The following SF3A1 variants were observed in gnomAD, a reference collection of about 807,000 sequenced individuals.
SF3A1 encodes SAP 114.
In SF3A1, 13 loss-of-function variants were observed where a neutral mutation model predicts 89.9. The ratio of observed to expected loss-of-function variants is 0.14; its 90% CI spans 0.09 to 0.23. The LOEUF is 0.23. Among genes scored for constraint, SF3A1 ranks in the 10% least tolerant of loss-of-function variants. The pLI, the probability that SF3A1 is intolerant of heterozygous loss-of-function variation, is 1.00. For synonymous variants in SF3A1, 405 were observed against 374.4 expected (o/e 1.08, Z -0.94); for missense variants, 604 against 1,022.1 (o/e 0.59, Z 5.58).
In SF3A1 at chr22:30,342,265, T is replaced by C. The variant is rs372226997; in HGVS notation, c.812A>G (p.Tyr271Cys). Residue 271 changes from tyrosine to cysteine, a missense_variant, in exon 6 of 16, where the codon TAT (tyrosine) becomes TGT (cysteine). Tyr to Cys is a radical substitution (Grantham distance 194). This residue lies in a region of SF3A1 where 6 missense variants were observed against 36.3 expected (regional missense o/e 0.17). Transcript: ENST00000215793. ...EEEKEKERVA[Y>C]AQIDWHDFVV... is the part of the protein sequence containing the mutation. ...AAAATCATGCCAGTCGATCTGAGCA[T>C]AGGCCACCCGCTCCTTCTCCTTCTC... 1 of 1,614,072 alleles carries C rather than the reference T, an allele frequency of 6.2e-7. No homozygotes were observed. Among genetic ancestry groups the C allele is most frequent in the African/African-American group, 1.3e-5 (1 of 74,924 alleles).
chr22:30,345,905 G>A (rs184277820), intron 3 of SF3A1, among the ~76,000 whole-genome samples: 3 of 152,262 alleles, frequency 2.0e-5, no homozygotes, highest in African/African-American at 7.2e-5. Flanking sequence ...GAGATAGAAG[G>A]GAAGGGATGG....
chr22:30,340,473 C>A (rs959030365), intron 8 of SF3A1, 92 bp from the exon 9 acceptor site: 1 of 1,318,902 alleles, frequency 7.6e-7, no homozygotes, highest in East Asian at 2.3e-5. Context: ...TTCATCAAGG[C>A]ATCTATTCAG....
chr22:30,333,722 ATTAT>A lies in SF3A1; in HGVS notation c.*868_*871del, dbSNP rs1488302842. The A allele has an allele frequency of 1.3e-5, 2 of 152,256 alleles. No homozygotes were observed. Among genetic ancestry groups the A allele is most frequent in the Admixed American group, 1.3e-4 (2 of 15,284 alleles). The allele number at this position is 152,256 out of a possible 1,614,324, so 9.4% of individuals were successfully genotyped here. A position where few individuals can be genotyped will look rare whatever the true frequency, so the allele number is the denominator to read the frequency against. On this transcript the variant is annotated 3_prime_UTR_variant, in exon 16 of 16. Coordinates refer to ENST00000215793, the MANE Select transcript of SF3A1 (RefSeq NM_005877.6). ...TAAAATGGATAAAAGTAGAGAGTAA[ATTAT>A]TTAAACTTTATCAAATCCTTGGTAC...
chr22:30,346,362 T>C lies in SF3A1; in HGVS notation c.343A>G (p.Lys115Glu). 1 of 1,613,956 alleles carries C rather than the reference T, an allele frequency of 6.2e-7. No individual in the cohort carries two copies. Among genetic ancestry groups the C allele is most frequent in the Non-Finnish European group, 8.5e-7 (1 of 1,179,916 alleles). ...KAQEPSAAIP[K>E]VMQQQQQTTQ... The stretch of plus-strand genomic sequence containing the variant: ...GTCTGCTGCTGCTGCTGCATGACCT[T>C]GGGGATGGCGGCGGACGGCTCCTGA... Residue 115 changes from lysine to glutamate, a missense_variant, in exon 3 of 16, where the codon AAG (lysine) becomes GAG (glutamate). Around this residue, in one of 9 missense-constraint regions of SF3A1, gnomAD observed 162 missense variants for 229.2 expected, o/e 0.71. Coordinates refer to ENST00000215793, the MANE Select transcript of SF3A1 (RefSeq NM_005877.6).
At position 30,356,812 on chromosome 22, in the gene SF3A1, G is replaced by A; in HGVS notation, c.-20C>T. Reference sequence around the variant, plus strand: ...CGGCATGACTGCGACGCTCAGGGCTGCCAGTCCGCCTCGGTGTCGGTGAGC... The same window carrying A: ...CGGCATGACTGCGACGCTCAGGGCTACCAGTCCGCCTCGGTGTCGGTGAGC... On this transcript the variant is annotated 5_prime_UTR_variant, in exon 1 of 16. Transcript: ENST00000215793. The A allele has an allele frequency of 2.2e-6, 3 of 1,344,094 alleles. No homozygotes were observed. The highest frequency in any genetic ancestry group is 3.1e-5 in the East Asian group (1 of 32,726). 83.3% of individuals were successfully genotyped at this position (1,344,094 alleles called of 1,614,324 possible).
chr22:30,335,595 T>C, intron 14 of SF3A1, 57 bp from the exon 15 acceptor site: 1 of 1,612,554 alleles, frequency 6.2e-7, no homozygotes, highest in Non-Finnish European at 8.5e-7. Context: ...AGAGGAAGCT[T>C]TCCCCTGAAT....
At chr22:30,343,245 T>C (rs535598836) in intron 4 of SF3A1, among the ~76,000 whole-genome samples, 1 of 152,266 alleles carries the variant, frequency 6.6e-6, no homozygotes, top group Non-Finnish European at 1.5e-5. Context: ...AGGTCCCCCC[T>C]GACTATCCTA....
intron 1 of SF3A1, among the ~76,000 whole-genome samples, chr22:30,355,494 T>G (rs1931762673): frequency 6.6e-6 from 1 of 152,198 alleles, no homozygotes. Flanking sequence ...CCCCTCATAG[T>G]GATTCTCCAC....
intron 12 of SF3A1, among the ~76,000 whole-genome samples, 200 bp from the exon 13 acceptor site, chr22:30,337,380 G>A (rs1373365912): frequency 2.6e-5 from 4 of 152,170 alleles, no homozygotes; most frequent in Non-Finnish European, 4.4e-5. Flanking sequence ...GCAGAGGACT[G>A]CAGGAGGGGC....
At position 30,332,522 on chromosome 22, in the gene SF3A1, G is replaced by C. The variant is rs1300384578; in HGVS notation, c.*2072C>G. On this transcript the variant is annotated 3_prime_UTR_variant, in exon 16 of 16. Coordinates refer to ENST00000215793, the MANE Select transcript of SF3A1 (RefSeq NM_005877.6). ...TACATGACCTTGGGTATTCCACCTC[G>C]TTTTAAAAATGGGGCAGATAATCCT... is the stretch of plus-strand genomic sequence containing the variant. 1 of 152,210 alleles carries C rather than the reference G, an allele frequency of 6.6e-6. No individual in the cohort carries two copies. Among genetic ancestry groups the C allele is most frequent in the Non-Finnish European group, 1.5e-5 (1 of 68,032 alleles). The allele number at this position is 152,210 out of a possible 1,614,324, so 9.4% of individuals were successfully genotyped here.
intron 2 of SF3A1, among the ~76,000 whole-genome samples, chr22:30,352,079 G>A (rs1931614462): frequency 6.6e-6 from 1 of 150,810 alleles, no homozygotes; most frequent in Non-Finnish European, 1.5e-5. Context: ...AGAGACAGGA[G>A]GAACCCGGAG....
At position 30,345,197 on chromosome 22, in the gene SF3A1, T is replaced by C. The variant is rs1395180488; in HGVS notation, c.394-7A>G. ...GGATTACTTGGGCTTGGACCTAAGA[T>C]GCAAAGGGAGTATGAGGCGAGAGGC... On this transcript the variant is annotated splice_polypyrimidine_tract_variant and splice_region_variant and intron_variant, in intron 3 of 15. Transcript: ENST00000215793. 6.8e-6 allele frequency: 11 copies of C among 1,610,408 alleles called. No individual in the cohort carries two copies. The highest frequency in any genetic ancestry group is 9.3e-6 in the Non-Finnish European group (11 of 1,177,440).
Position 30,338,916 on chromosome 22 carries a change from T to A in SF3A1, c.1616A>T (p.Asp539Val), listed in dbSNP as rs764030591. 1.2e-6 allele frequency: 2 copies of A among 1,614,148 alleles called. No individual in the cohort carries two copies. Among genetic ancestry groups the A allele is most frequent in the Non-Finnish European group, 8.5e-7 (1 of 1,180,036 alleles). ...IHKAKGLVPE[D>V]DTKEKIGPSK... Reference sequence around the variant, plus strand: ...GGGGCCAATCTTCTCTTTAGTGTCATCCTCTGGCACCAGGCCTTTGGCCTT... The same window carrying A: ...GGGGCCAATCTTCTCTTTAGTGTCAACCTCTGGCACCAGGCCTTTGGCCTT... The change falls in exon 11 of 16, where the codon GAT (aspartate) becomes GTT (valine). Residue 539 changes from aspartate to valine, a missense_variant. By Grantham distance (152) the Asp-to-Val change is radical (BLOSUM62 -3). This residue lies in a region of SF3A1 where 22 missense variants were observed against 116.0 expected (regional missense o/e 0.19). Transcript: ENST00000215793.
intron 1 of SF3A1, among the ~76,000 whole-genome samples, chr22:30,356,038 G>A (rs1209962286): frequency 6.6e-6 from 1 of 152,072 alleles, no homozygotes; most frequent in Non-Finnish European, 1.5e-5. Flanking sequence ...ATTTGTACCT[G>A]AAACTTCTAT....
intron 12 of SF3A1, 48 bp from the exon 13 acceptor site, chr22:30,337,228 A>C (rs1230537609): frequency 6.5e-7 from 1 of 1,539,740 alleles, no homozygotes; most frequent in African/African-American, 1.4e-5. Flanking sequence ...GAAGGGGCCC[A>C]GGACTCAGGG....
In SF3A1 at chr22:30,356,837, C is replaced by G. The variant is rs1292579760; in HGVS notation, c.-45G>C. ...GCCAGTCCGCCTCGGTGTCGGTGAGCGGTGCCGCCTCAAGACAGCCTCCCC... is the reference window on the plus strand; with the variant it reads ...GCCAGTCCGCCTCGGTGTCGGTGAGGGGTGCCGCCTCAAGACAGCCTCCCC... On this transcript the variant is annotated 5_prime_UTR_variant, in exon 1 of 16. Coordinates refer to ENST00000215793, the MANE Select transcript of SF3A1 (RefSeq NM_005877.6). 7.7e-7 allele frequency: 1 copy of G among 1,302,438 alleles called. No homozygotes were observed. The highest frequency in any genetic ancestry group is 2.1e-5 in the South Asian group (1 of 48,186). 80.7% of individuals were successfully genotyped at this position (1,302,438 alleles called of 1,614,324 possible). A position where few individuals can be genotyped will look rare whatever the true frequency, so the allele number is the denominator to read the frequency against.
In SF3A1 at chr22:30,346,470, G is replaced by C; in HGVS notation, c.235C>G (p.Pro79Ala). Residue 79 changes from proline to alanine, a missense_variant, in exon 3 of 16, where the codon CCC (proline) becomes GCC (alanine). By Grantham distance (27) the Pro-to-Ala change is conservative. Transcript: ENST00000215793. Reference sequence around the variant, plus strand: ...TTGGGGTTCAGAAAGTTGAACTTGGGGTTGTTGATCTCGTTCTGTCGGATC... The same window carrying C: ...TTGGGGTTCAGAAAGTTGAACTTGGCGTTGTTGATCTCGTTCTGTCGGATC... ...ARIRQNEINN[P>A]KFNFLNPNDP... is the part of the protein sequence containing the mutation. 8 of 1,614,072 alleles carry C rather than the reference G, an allele frequency of 5.0e-6. No individual in the cohort carries two copies. The highest frequency in any genetic ancestry group is 6.8e-6 in the Non-Finnish European group (8 of 1,180,008).
In SF3A1 at chr22:30,355,018, A is replaced by G. The variant is rs565798848; in HGVS notation, c.63+1712T>C. On this transcript the variant is annotated intron_variant, in intron 1 of 15. Coordinates refer to ENST00000215793, the MANE Select transcript of SF3A1 (RefSeq NM_005877.6). ...CTCTTATAACCTTTAGAAGAAGCCT[A>G]TAAGATTAAGTACTCTTTTTTTTTT... Among the ~76,000 whole-genome samples, 133 of 152,254 alleles carry G rather than the reference A, an allele frequency of 8.7e-4. 2 individuals are homozygous for G. The South Asian group carries it at 0.024, about 28-fold the overall frequency.
chr22:30,352,797 C>T, intron 2 of SF3A1, 154 bp downstream of exon 2: 1 of 771,406 alleles, frequency 1.3e-6, no homozygotes, highest in Non-Finnish European at 2.0e-6. Flanking sequence ...GGACACCAGT[C>T]CTACCTATTG....
Sources: gnomAD v4.1 joint callset for allele counts (sites outside exome capture counted in the v4.1 genomes callset) on GRCh38, gnomAD v4.1.1 for gene constraint, gnomAD v4.1.1 regional missense constraint, MANE v1.5 for transcripts, NCBI Gene and HGNC (gene_info 2026-07-23, HGNC 2026-07-21) for gene names.